The following FRMPD4 variants were observed in gnomAD, a reference collection of about 807,000 sequenced individuals.
FRMPD4 encodes FERM and PDZ domain containing 4.
In FRMPD4, 22 loss-of-function variants were observed where a neutral mutation model predicts 94.1. The ratio of observed to expected loss-of-function variants is 0.23; its 90% CI spans 0.17 to 0.33. The LOEUF (loss-of-function observed/expected upper bound fraction) is 0.33. FRMPD4 is among the 10% of genes least tolerant of loss of function. The probability of loss-of-function intolerance (pLI) is 1.00; values close to 1 mark genes in which losing one functional copy is unlikely to be tolerated. For synonymous variants in FRMPD4, 631 were observed against 548.6 expected, an observed-to-expected ratio of 1.15 and a Z score of -2.10; for missense variants, 1,111 against 1,339.9, an observed-to-expected ratio of 0.83 and a Z score of 2.67.
intron 2 of FRMPD4, among the ~76,000 whole-genome samples, chrX:12,517,757 G>A (rs113133546): frequency 0.041 from 4,600 of 112,575 alleles, 213 homozygotes; most frequent in African/African-American, 0.14. Flanking sequence ...GCACTGGGGG[G>A]ATTCACACTA....
rs1008382488 is a variant in FRMPD4, at chrX:12,318,002, C to T, written c.41+178990C>T. ...CATATCAAGGAGATATCTGCACTCT[C>T]ATGTTTATTGCAGCACTACTTACAA... On this transcript the variant is annotated intron_variant, in intron 1 of 16. Transcript: ENST00000675598. Among the ~76,000 whole-genome samples the T allele has an allele frequency of 5.3e-5, 6 of 112,373 alleles. No homozygotes were observed. The Admixed American group carries it at 5.6e-4, about 11-fold the overall frequency.
chrX:12,548,912 T>C (rs2058505933), intron 2 of FRMPD4, among the ~76,000 whole-genome samples: 1 of 111,568 alleles, frequency 9.0e-6, no homozygotes, highest in Non-Finnish European at 1.9e-5. Context: ...CTAATGGGGC[T>C]TGATCCTTCA....
chrX:11,943,680 G>A (rs748446643), intron 3 of FRMPD4, among the ~76,000 whole-genome samples: 18 of 111,726 alleles, frequency 1.6e-4, no homozygotes, highest in Non-Finnish European at 3.2e-4. Context: ...CAACAATGTT[G>A]CATTGTGGAT....
chrX:12,530,023 T>C (rs754547910), intron 2 of FRMPD4, among the ~76,000 whole-genome samples: 1 of 111,511 alleles, frequency 9.0e-6, no homozygotes, highest in African/African-American at 3.3e-5. Flanking sequence ...CACATCTTAA[T>C]ATATCACCTT....
intron 1 of FRMPD4, among the ~76,000 whole-genome samples, chrX:12,404,835 T>G (rs909923594): frequency 8.9e-6 from 1 of 111,809 alleles, no homozygotes; most frequent in African/African-American, 3.2e-5. Context: ...AGATTCAGCT[T>G]TGCCAGCCAG....
intron 3 of FRMPD4, among the ~76,000 whole-genome samples, chrX:12,033,513 T>C (rs1350613470): frequency 1.8e-5 from 2 of 110,809 alleles, no homozygotes; most frequent in African/African-American, 6.6e-5. Context: ...GAGACAAAGA[T>C]ATTGAATGCA....
chrX:12,017,227 T>C (rs983233199), intron 3 of FRMPD4, among the ~76,000 whole-genome samples: 12 of 112,290 alleles, frequency 1.1e-4, no homozygotes, highest in African/African-American at 3.6e-4. Context: ...TTGTAACTCA[T>C]TGAATTATTT....
In FRMPD4 at chrX:11,915,043, C is replaced by CA. The variant is rs771537114; in HGVS notation, c.95+37033dup. 2.1e-4 allele frequency among the ~76,000 whole-genome samples: 23 copies of CA among 111,066 alleles called. No individual in the cohort carries two copies. The East Asian group carries it at 2.5e-3, about 12-fold the overall frequency. ...AGAGAAAAAGAGCTTTCTAGCAATG[C>CA]AAAAAAAAGAGCTTTCAGGGTGTGC... On this transcript the variant is annotated intron_variant, in intron 3 of 18. Transcript: ENST00000640291.
intron 4 of FRMPD4, among the ~76,000 whole-genome samples, chrX:12,655,063 A>G (rs764339258): frequency 8.9e-6 from 1 of 112,313 alleles, no homozygotes; most frequent in East Asian, 2.8e-4. Flanking sequence ...CACATGGTAA[A>G]CATTCAGAAC....
At chrX:11,920,448 C>T (rs113766525) in intron 3 of FRMPD4, among the ~76,000 whole-genome samples, 1,141 of 111,597 alleles carry the variant, frequency 0.01, 10 homozygotes, top group Admixed American at 9.6e-3. Flanking sequence ...ATCTTCTGTA[C>T]GGTCATTAGT....
At chrX:11,898,862 C>T (rs970293780) in intron 3 of FRMPD4, among the ~76,000 whole-genome samples, 1 of 111,460 alleles carries the variant, frequency 9.0e-6, no homozygotes, top group Non-Finnish European at 1.9e-5. Context: ...TAAAGGATGT[C>T]TCCAAGGTTT....
intron 3 of FRMPD4, among the ~76,000 whole-genome samples, chrX:12,066,540 C>T (rs897610135): frequency 1.8e-5 from 2 of 111,518 alleles, no homozygotes; most frequent in Non-Finnish European, 3.8e-5. Flanking sequence ...GTTCTGTTTG[C>T]ACTTTAACAA....
intron 2 of FRMPD4, among the ~76,000 whole-genome samples, chrX:12,576,096 G>A (rs2058809604): frequency 8.9e-6 from 1 of 111,984 alleles, no homozygotes; most frequent in South Asian, 3.7e-4. Flanking sequence ...GCTTCATGAT[G>A]TGTTCCAAAA....
intron 1 of FRMPD4, among the ~76,000 whole-genome samples, chrX:12,479,456 G>A (rs772705786): frequency 4.4e-3 from 111 of 24,996 alleles, no homozygotes; most frequent in African/African-American, 0.01. Flanking sequence ...GTATATATAT[G>A]TATATATGTA....
chrX:11,996,119 G>GA (rs890604973), intron 3 of FRMPD4, among the ~76,000 whole-genome samples: 66 of 108,482 alleles, frequency 6.1e-4, no homozygotes, highest in Non-Finnish European at 1.1e-3. Context: ...TTTATAAAAA[G>GA]AAAAAAAAAT....
chrX:12,652,231 G>A (rs1226565003), intron 4 of FRMPD4, among the ~76,000 whole-genome samples: 1 of 112,087 alleles, frequency 8.9e-6, no homozygotes, highest in African/African-American at 3.2e-5. Context: ...AGTGTTACAT[G>A]AAAATTCCAT....
chrX:12,370,967 C>A (rs1040064257), intron 1 of FRMPD4, among the ~76,000 whole-genome samples: 2 of 111,890 alleles, frequency 1.8e-5, no homozygotes, highest in African/African-American at 3.2e-5. Context: ...ATAGTAGTAT[C>A]ATTGCCAAGG....
intron 1 of FRMPD4, among the ~76,000 whole-genome samples, chrX:12,274,869 C>G (rs969655024): frequency 8.9e-6 from 1 of 111,764 alleles, no homozygotes; most frequent in African/African-American, 3.3e-5. Context: ...ATTAGCCAGA[C>G]GCGGTGGTGG....
chrX:12,152,656 A>C (rs1036745207), intron 1 of FRMPD4, among the ~76,000 whole-genome samples: 1 of 111,429 alleles, frequency 9.0e-6, no homozygotes, highest in East Asian at 2.8e-4. Context: ...CATAAGAGAT[A>C]GTTTAATATA....
Sources: allele counts gnomAD v4.1 joint callset (sites outside exome capture counted in the v4.1 genomes callset), GRCh38; gene constraint gnomAD v4.1.1; transcripts MANE v1.5; gene names NCBI Gene and HGNC (gene_info 2026-07-23, HGNC 2026-07-21).